The following CBX1 variants were observed in gnomAD, a reference collection of about 807,000 sequenced individuals.
CBX1 encodes chromobox protein homolog 1.
A neutral mutation model predicts 25.1 loss-of-function variants in CBX1; 10 were observed. That is an observed-to-expected ratio of 0.40 (90% CI 0.25 to 0.68). The LOEUF is 0.68. Among genes scored for constraint, CBX1 ranks in the 30% least tolerant of loss-of-function variants. The pLI is 0.40. For missense variants in CBX1, 106 were observed against 218.5 expected, an observed-to-expected ratio of 0.49 and a Z score of 3.25; for synonymous variants, 63 against 79.4, an observed-to-expected ratio of 0.79 and a Z score of 1.10.
In CBX1 at chr17:48,099,100, A is replaced by G. The variant is rs971707958; in HGVS notation, c.-38+2168T>C. ...TTCACACACCATCTATCTACCTATC[A>G]TCTATCTTTTCTTTTTTTTGAGACA... On this transcript the variant is annotated intron_variant, in intron 1 of 4. Transcript: ENST00000225603. Among the ~76,000 whole-genome samples the G allele has an allele frequency of 3.3e-5, 5 of 151,870 alleles. No individual in the cohort carries two copies. In the South Asian group the frequency reaches 1.0e-3, roughly 32 times the overall value.
chr17:48,084,197 CT>C (rs2037764400), intron 1 of CBX1, among the ~76,000 whole-genome samples: 1 of 98,446 alleles, frequency 1.0e-5, no homozygotes, highest in Non-Finnish European at 1.9e-5. Flanking sequence ...GCTTCTCTTT[CT>C]TTCCTTTTTT....
intron 1 of CBX1, among the ~76,000 whole-genome samples, chr17:48,097,900 A>G (rs2063384097): frequency 6.6e-6 from 1 of 152,332 alleles, no homozygotes; most frequent in South Asian, 2.1e-4. Context: ...GGTCAATACA[A>G]AGGACACAGA....
chr17:48,093,557 G>C (rs1422369927), intron 1 of CBX1, among the ~76,000 whole-genome samples: 1 of 152,178 alleles, frequency 6.6e-6, no homozygotes, highest in Non-Finnish European at 1.5e-5. Flanking sequence ...TTCAGGAACT[G>C]TTGTAAACAA....
At chr17:48,092,893 A>T (rs2063351511) in intron 1 of CBX1, among the ~76,000 whole-genome samples, 3 of 151,972 alleles carry the variant, frequency 2.0e-5, no homozygotes, top group African/African-American at 7.2e-5. Context: ...CAACATGGAG[A>T]AACCCAGTCT....
chr17:48,098,170 G>C (rs1234594475), intron 1 of CBX1, among the ~76,000 whole-genome samples: 1 of 152,048 alleles, frequency 6.6e-6, no homozygotes, highest in Admixed American at 6.6e-5. Context: ...AGGACTGCTT[G>C]TGTCCAGGAG....
At chr17:48,077,799 C>T (rs917632818) in intron 1 of CBX1, among the ~76,000 whole-genome samples, 1 of 152,052 alleles carries the variant, frequency 6.6e-6, no homozygotes, top group African/African-American at 2.4e-5. Context: ...CTAGGCAACA[C>T]AGCAAGACTC....
intron 1 of CBX1, among the ~76,000 whole-genome samples, chr17:48,077,842 C>T (rs942036846): frequency 1.3e-5 from 2 of 152,040 alleles, no homozygotes; most frequent in East Asian, 1.9e-4. Context: ...TAAAAGAGCA[C>T]GGTAGCTAAA....
At chr17:48,082,494 T>A in intron 1 of CBX1, among the ~76,000 whole-genome samples, 1 of 88,882 alleles carries the variant, frequency 1.1e-5, no homozygotes, top group East Asian at 3.9e-4. Context: ...AGAGCGAGAC[T>A]CCATCTCAAA....
At chr17:48,097,544 G>C (rs994616290) in intron 1 of CBX1, among the ~76,000 whole-genome samples, 1 of 151,348 alleles carries the variant, frequency 6.6e-6, no homozygotes, top group Non-Finnish European at 1.5e-5. Flanking sequence ...TTGAACCTGG[G>C]AGGCGGAGGT....
rs377211428 is a variant in CBX1, at chr17:48,071,046, G to A, written c.*389C>T. 35 of 145,936 alleles carry A rather than the reference G, an allele frequency of 2.4e-4. No homozygotes were observed. The East Asian group carries it at 5.2e-3, about 22-fold the overall frequency. 9.0% of individuals were successfully genotyped at this position (145,936 alleles called of 1,614,324 possible). ...TAGCCAAAAACTACACACATGCTAC[G>A]CTGTAAAAATGCAGAGTTAACACTA... is the stretch of plus-strand genomic sequence containing the variant. On this transcript the variant is annotated 3_prime_UTR_variant, in exon 5 of 5. Coordinates refer to ENST00000225603, the MANE Select transcript of CBX1 (RefSeq NM_001127228.2).
chr17:48,091,390 T>A (rs1598314179), intron 1 of CBX1, among the ~76,000 whole-genome samples: 1 of 152,054 alleles, frequency 6.6e-6, no homozygotes, highest in Non-Finnish European at 1.5e-5. Flanking sequence ...TTTTTTTTTT[T>A]AAGATGGAAT....
chr17:48,072,828 G>A (rs2037638139), intron 4 of CBX1, among the ~76,000 whole-genome samples: 1 of 151,174 alleles, frequency 6.6e-6, no homozygotes, highest in African/African-American at 2.4e-5. Flanking sequence ...ACATTATAAG[G>A]GAATTAGGAG....
chr17:48,101,389 T>G lies in CBX1; in HGVS notation c.-159A>C. Reference sequence around the variant, plus strand: ...AGCCGGGTGGCCGCAGTGGCGTCCCTCACTGAAGCGGCGTACCGCAGGCCC... The same window carrying G: ...AGCCGGGTGGCCGCAGTGGCGTCCCGCACTGAAGCGGCGTACCGCAGGCCC... On this transcript the variant is annotated 5_prime_UTR_variant, in exon 1 of 5. Transcript: ENST00000225603. The G allele has an allele frequency of 1.0e-6, 1 of 985,638 alleles. No individual in the cohort carries two copies. Among genetic ancestry groups the G allele is most frequent in the South Asian group, 4.7e-5 (1 of 21,344 alleles). The allele number at this position is 985,638 out of a possible 1,614,324, so 61.1% of individuals were successfully genotyped here. A position where few individuals can be genotyped will look rare whatever the true frequency, so the allele number is the denominator to read the frequency against.
rs113054025 is a variant in CBX1 at position 48,072,415 on chromosome 17, A to T, written c.414-836T>A. Among the ~76,000 whole-genome samples the T allele has an allele frequency of 3.3e-3, 498 of 152,352 alleles. 7 individuals carry two copies. The highest frequency in any genetic ancestry group is 0.012 in the African/African-American group (486 of 41,580). On this transcript the variant is annotated intron_variant, in intron 4 of 4. Coordinates refer to ENST00000225603, the MANE Select transcript of CBX1 (RefSeq NM_001127228.2). ...TGACACTTCCAAATGCTATCCTCGC[A>T]TAACTTCCAGGTGCTTTGAAATGAT... is the stretch of plus-strand genomic sequence containing the variant.
chr17:48,099,921 A>T (rs1267449214), intron 1 of CBX1, among the ~76,000 whole-genome samples: 1 of 152,094 alleles, frequency 6.6e-6, no homozygotes, highest in Non-Finnish European at 1.5e-5. Context: ...CGGGAGGATC[A>T]CGAGGTCAGG....
At position 48,099,299 on chromosome 17, in the gene CBX1, A is replaced by C. The variant is rs538027364; in HGVS notation, c.-38+1969T>G. On this transcript the variant is annotated intron_variant, in intron 1 of 4. Coordinates refer to ENST00000225603, the MANE Select transcript of CBX1 (RefSeq NM_001127228.2). Reference sequence around the variant, plus strand: ...GTATTTTTAGTAGAGACAGGGTTTCACCATGTTGGTTGGCCAGGATGGTCT... The same window carrying C: ...GTATTTTTAGTAGAGACAGGGTTTCCCCATGTTGGTTGGCCAGGATGGTCT... 6.6e-5 allele frequency among the ~76,000 whole-genome samples: 10 copies of C among 152,212 alleles called. No homozygotes were observed. In the East Asian group the frequency reaches 1.9e-3, roughly 29 times the overall value.
chr17:48,075,253 G>T (rs1027605839), intron 3 of CBX1, among the ~76,000 whole-genome samples, 153 bp from the exon 4 acceptor site: 13 of 150,680 alleles, frequency 8.6e-5, no homozygotes. Flanking sequence ...GGAGTGCAGT[G>T]GTGCGATCTC....
chr17:48,100,248 C>T (rs2063401131), intron 1 of CBX1, among the ~76,000 whole-genome samples: 1 of 151,548 alleles, frequency 6.6e-6, no homozygotes, highest in Non-Finnish European at 1.5e-5. Flanking sequence ...ACCTCACAAT[C>T]TCACATAATT....
At chr17:48,085,943 A>T (rs773156910) in intron 1 of CBX1, among the ~76,000 whole-genome samples, 1 of 152,138 alleles carries the variant, frequency 6.6e-6, no homozygotes, top group African/African-American at 2.4e-5. Context: ...GGTGGCATGC[A>T]CCTGTAGTCC....
Sources: gnomAD v4.1 joint callset for allele counts (sites outside exome capture counted in the v4.1 genomes callset) on GRCh38, gnomAD v4.1.1 for gene constraint, MANE v1.5 for transcripts, NCBI Gene and HGNC (gene_info 2026-07-23, HGNC 2026-07-21) for gene names.